The following ZMYND8 variants were observed in gnomAD, a reference collection of about 807,000 sequenced individuals.
ZMYND8 encodes zinc finger MYND-type containing 8.
ZMYND8 carries 37 observed loss-of-function variants against 140.8 expected under a neutral mutation model. That is an observed-to-expected ratio of 0.26 (90% confidence interval 0.20 to 0.35). The LOEUF (loss-of-function observed/expected upper bound fraction) is 0.35, where lower values mean the gene tolerates loss of function less well. Ranked by LOEUF, ZMYND8 falls within the 10% of genes least tolerant of loss-of-function variation. The probability of loss-of-function intolerance (pLI) is 1.00; values close to 1 mark genes in which losing one functional copy is unlikely to be tolerated. For missense variants in ZMYND8, 1,068 were observed against 1,570.0 expected (o/e 0.68, Z 5.40); for synonymous variants, 592 against 597.1 (o/e 0.99, Z 0.12).
At chr20:47,346,950 G>A (rs145823446) in intron 2 of ZMYND8, among the ~76,000 whole-genome samples, 1 of 152,144 alleles carries the variant, frequency 6.6e-6, no homozygotes, top group African/African-American at 2.4e-5. Context: ...GGTTTCAGAC[G>A]CCTTTAGGGA....
chr20:47,356,568 G>A, intron 1 of ZMYND8, 89 bp downstream of exon 1: 1 of 1,613,778 alleles, frequency 6.2e-7, no homozygotes, highest in South Asian at 1.1e-5. Context: ...AGTGTGGCAC[G>A]GCCAGCCACA....
At chr20:47,338,974 T>C (rs75127801) in intron 2 of ZMYND8, among the ~76,000 whole-genome samples, 1 of 149,238 alleles carries the variant, frequency 6.7e-6, no homozygotes, top group South Asian at 2.1e-4. Context: ...ATTATTTCTT[T>C]TTTTTTTTTT....
At chr20:47,334,431 G>A (rs1362131724) in intron 2 of ZMYND8, among the ~76,000 whole-genome samples, 1 of 151,958 alleles carries the variant, frequency 6.6e-6, no homozygotes, top group Admixed American at 6.6e-5. Context: ...CCATTTATAT[G>A]AAATGTCTAG....
chr20:47,298,673 GAAAGAGAA>G lies in ZMYND8; in HGVS notation c.453+48_453+55del. The G allele has an allele frequency of 6.4e-7, 1 of 1,553,930 alleles. No individual in the cohort carries two copies. The highest frequency in any genetic ancestry group is 8.7e-7 in the Non-Finnish European group (1 of 1,147,274). ...TTTGTAAATTTAAAAATAAAAGGAA[GAAAGAGAA>G]AGGAGAGGAAACGAGGCAGGTAATG... On this transcript the variant is annotated intron_variant, in intron 4 of 22. Transcript: ENST00000471951. The surrounding 1 kb of genome is among the most constrained non-coding windows in gnomAD (Gnocchi z 5.0).
At chr20:47,256,294 A>G (rs982195808) in intron 12 of ZMYND8, among the ~76,000 whole-genome samples, 5 of 151,284 alleles carry the variant, frequency 3.3e-5, no homozygotes, top group African/African-American at 1.2e-4. Flanking sequence ...AGCCTGGGAA[A>G]CATAGCGAGA....
chr20:47,347,048 T>A (rs1248910046), intron 2 of ZMYND8, among the ~76,000 whole-genome samples: 4 of 152,178 alleles, frequency 2.6e-5, no homozygotes, highest in African/African-American at 7.2e-5. Context: ...TCCCTCCCCA[T>A]AACCCCCAGT....
At position 47,265,473 on chromosome 20, in the gene ZMYND8, C is replaced by CT. The variant is rs2075451804; in HGVS notation, c.1481-3046dup. ...TTGTTTGTTTTGAGACAAAGTCTTGCTCTGTTGCCCAAGCTGGAATGCAGT... is the reference window on the plus strand; with the variant it reads ...TTGTTTGTTTTGAGACAAAGTCTTGCTTCTGTTGCCCAAGCTGGAATGCAGT... On this transcript the variant is annotated intron_variant, in intron 11 of 22. Transcript: ENST00000471951. Among the ~76,000 whole-genome samples the CT allele has an allele frequency of 2.0e-5, 3 of 152,158 alleles. No homozygotes were observed. In the South Asian group the frequency reaches 6.2e-4, roughly 31 times the overall value.
chr20:47,231,663 G>A (rs1016255265), intron 16 of ZMYND8, among the ~76,000 whole-genome samples: 6 of 152,184 alleles, frequency 3.9e-5, no homozygotes, highest in South Asian at 2.1e-4. Flanking sequence ...TTCCGCTCCC[G>A]GCTTGCTGCG....
At chr20:47,318,695 T>C (rs961722834) in intron 2 of ZMYND8, 2 of 456,484 alleles carry the variant, frequency 4.4e-6, no homozygotes, top group Non-Finnish European at 8.8e-6. Context: ...CCTGGCTGAC[T>C]TGGGCCTGCC....
At chr20:47,334,045 A>T (rs139789785) in intron 2 of ZMYND8, among the ~76,000 whole-genome samples, 1 of 152,380 alleles carries the variant, frequency 6.6e-6, no homozygotes, top group East Asian at 1.9e-4. Context: ...AAATGTGCTC[A>T]GAACACTTAG....
At chr20:47,282,293 G>A (rs1225862913) in intron 9 of ZMYND8, 76 bp from the exon 10 acceptor site, 2 of 1,283,426 alleles carry the variant, frequency 1.6e-6, no homozygotes, top group Non-Finnish European at 2.2e-6. Context: ...GGTATGTGAG[G>A]ATGAAGCAGG....
At chr20:47,276,987 A>G in intron 10 of ZMYND8, among the ~76,000 whole-genome samples, 192 bp from the exon 11 acceptor site, 1 of 152,236 alleles carries the variant, frequency 6.6e-6, no homozygotes, top group Non-Finnish European at 1.5e-5. Flanking sequence ...CCATAACAGA[A>G]CATGAACAAC....
chr20:47,351,456 T>A (rs780464535), intron 1 of ZMYND8, among the ~76,000 whole-genome samples: 1 of 152,178 alleles, frequency 6.6e-6, no homozygotes. Flanking sequence ...CAGATGAGGA[T>A]CATCGCACAG....
At position 47,290,267 on chromosome 20, in the gene ZMYND8, T is replaced by A; in HGVS notation, c.668A>T (p.Lys223Ile). 6.2e-7 allele frequency: 1 copy of A among 1,613,380 alleles called. No homozygotes were observed. Among genetic ancestry groups the A allele is most frequent in the Non-Finnish European group, 8.5e-7 (1 of 1,179,726 alleles). Residue 223 changes from lysine to isoleucine, a missense_variant, in exon 7 of 23, where the codon AAA (lysine) becomes ATA (isoleucine). Lys to Ile is a moderately radical substitution (Grantham distance 102). Coordinates refer to ENST00000471951, the MANE Select transcript of ZMYND8 (RefSeq NM_001281775.3). Reference protein sequence around the residue: ...MDLCTLEKNAKKKMYGCTEAF... With the variant: ...MDLCTLEKNAIKKMYGCTEAF... ...TTCTGTGCAGCCATACATTTTCTTT[T>A]TCGCATTCTGGGAAGAAAAGCGATG...
intron 16 of ZMYND8, among the ~76,000 whole-genome samples, chr20:47,232,280 G>A (rs890069838): frequency 2.0e-5 from 3 of 152,260 alleles, no homozygotes; most frequent in African/African-American, 4.8e-5. Context: ...AAGGTGAGGC[G>A]AGAGAATCGC....
intron 7 of ZMYND8, among the ~76,000 whole-genome samples, chr20:47,289,250 C>T (rs536248336): frequency 1.4e-4 from 21 of 152,182 alleles, no homozygotes; most frequent in African/African-American, 1.9e-4. Context: ...ATTAAAACAT[C>T]GTGACATAAT....
At chr20:47,349,715 T>C (rs2082616107) in intron 1 of ZMYND8, 8 of 1,197,802 alleles carry the variant, frequency 6.7e-6, no homozygotes, top group Non-Finnish European at 8.0e-6. Flanking sequence ...TCTGTTTCCC[T>C]CTCTAGCATG....
chr20:47,312,210 C>T (rs1033572747), intron 2 of ZMYND8, among the ~76,000 whole-genome samples: 7 of 152,200 alleles, frequency 4.6e-5, no homozygotes, highest in African/African-American at 1.7e-4. Context: ...GGGTCACTGA[C>T]AGCAGATTAA....
chr20:47,289,731 C>T (rs1373505656), intron 7 of ZMYND8, among the ~76,000 whole-genome samples: 2 of 152,316 alleles, frequency 1.3e-5, no homozygotes, highest in South Asian at 2.1e-4. Context: ...AACTCTGACT[C>T]CATTTATATG....
Sources: gnomAD v4.1 joint callset for allele counts (sites outside exome capture counted in the v4.1 genomes callset) on GRCh38, gnomAD v4.1.1 for gene constraint, Gnocchi (gnomAD v3.1) non-coding constraint, MANE v1.5 for transcripts, NCBI Gene and HGNC (gene_info 2026-07-23, HGNC 2026-07-21) for gene names.